Variants in JAKMIP3 observed in about 807,000 individuals in gnomAD.
JAKMIP3 encodes Janus kinase and microtubule interacting protein 3, also known as janus kinase and microtubule-interacting protein 3.
A neutral mutation model predicts 118.5 loss-of-function variants in JAKMIP3; 58 were observed. The observed-to-expected ratio is 0.49, with a 90% CI of 0.40 to 0.61. The LOEUF (loss-of-function observed/expected upper bound fraction) is 0.61. Among genes scored for constraint, JAKMIP3 ranks in the 20% least tolerant of loss-of-function variants. The pLI is 0.00. For missense variants in JAKMIP3, 950 were observed against 1,109.0 expected (o/e 0.86, Z 2.04); for synonymous variants, 486 against 451.2 (o/e 1.08, Z -0.98).
chr10:132,129,319 G>A (rs1041839046), intron 3 of JAKMIP3, among the ~76,000 whole-genome samples: 3 of 152,166 alleles, frequency 2.0e-5, no homozygotes, highest in Non-Finnish European at 2.9e-5. Flanking sequence ...TGTCTCGACA[G>A]CCATGTGCAG....
intron 2 of JAKMIP3, among the ~76,000 whole-genome samples, chr10:132,105,981 A>G (rs1479672823): frequency 7.0e-6 from 1 of 142,978 alleles, no homozygotes; most frequent in Admixed American, 6.7e-5. Context: ...CCTCCTTGTC[A>G]TATCAAAAGA....
intron 2 of JAKMIP3, among the ~76,000 whole-genome samples, chr10:132,110,281 C>G (rs568364459): frequency 2.8e-4 from 42 of 152,370 alleles, no homozygotes; most frequent in Admixed American, 1.1e-3. Context: ...GTGGCCTCCA[C>G]CAGCTCAGGC....
In JAKMIP3 at chr10:132,117,047, G is replaced by T. The variant is rs1438340257; in HGVS notation, c.136-30G>T. 1 of 1,579,942 alleles carries T rather than the reference G, an allele frequency of 6.3e-7. No homozygotes were observed. The stretch of plus-strand genomic sequence containing the variant: ...GAGTGTGTGCATGGCTGGAGCTCCT[G>T]CCACACTCAGTCTCGCTGTTGTCTT... On this transcript the variant is annotated intron_variant, in intron 2 of 23. Coordinates refer to ENST00000684848, the MANE Select transcript of JAKMIP3 (RefSeq NM_001323087.2). This position sits in a 1 kb window ranked among gnomAD's most constrained non-coding sequence, Gnocchi z 8.6.
At chr10:132,084,462 A>C (rs1471881219) in intron 1 of JAKMIP3, among the ~76,000 whole-genome samples, 1 of 152,224 alleles carries the variant, frequency 6.6e-6, no homozygotes, top group African/African-American at 2.4e-5. Flanking sequence ...TTCTCTAGGT[A>C]TACAATCATA....
intron 3 of JAKMIP3, among the ~76,000 whole-genome samples, chr10:132,127,306 T>C (rs2049772099): frequency 6.6e-6 from 1 of 150,872 alleles, no homozygotes; most frequent in African/African-American, 2.4e-5. Flanking sequence ...TCACTGCAAC[T>C]CTGCCTCCTG....
chr10:132,178,417 CA>C (rs1344128266), intron 23 of JAKMIP3, among the ~76,000 whole-genome samples: 2 of 151,826 alleles, frequency 1.3e-5, no homozygotes, highest in Admixed American at 6.6e-5. Context: ...ATATTTTCCC[CA>C]AATCAGAGCT....
chr10:132,047,361 T>C (rs1295102544), intron 1 of JAKMIP3, among the ~76,000 whole-genome samples: 1 of 152,222 alleles, frequency 6.6e-6, no homozygotes, highest in African/African-American at 2.4e-5. Flanking sequence ...ACCGTGGCAA[T>C]AGCAGTTTCC....
In JAKMIP3 at chr10:132,180,790, T is replaced by TGTGTGTGTGCGC. The variant is rs1283527687; in HGVS notation, c.*1104-1566_*1104-1565insTGTGTGTGCGCG. 2.1e-5 allele frequency among the ~76,000 whole-genome samples: 3 copies of TGTGTGTGTGCGC among 139,652 alleles called. 1 individual carries two copies. The highest frequency in any genetic ancestry group is 8.4e-5 in the African/African-American group (3 of 35,766). 91.6% of individuals were successfully genotyped at this position (139,652 alleles called of 152,430 possible). Reference sequence around the variant, plus strand: ...GTGTGCGTGTGTGTGTGTGCGCGTATGCATGTGCTGTGAGTGGTGTGTTGT... The same window carrying TGTGTGTGTGCGC: ...GTGTGCGTGTGTGTGTGTGCGCGTATGTGTGTGTGCGCGCATGTGCTGTGAGTGGTGTGTTGT... On this transcript the variant is annotated intron_variant, in intron 23 of 23. Transcript: ENST00000684848.
chr10:132,083,215 A>T (rs1485401648), intron 1 of JAKMIP3, among the ~76,000 whole-genome samples: 2 of 151,876 alleles, frequency 1.3e-5, no homozygotes, highest in Non-Finnish European at 2.9e-5. Flanking sequence ...TGATTTTTTG[A>T]TTATGGCTAT....
chr10:132,175,016 TCAGATACACCG>T, intron 23 of JAKMIP3, among the ~76,000 whole-genome samples: 1 of 152,224 alleles, frequency 6.6e-6, no homozygotes, highest in Non-Finnish European at 1.5e-5. Flanking sequence ...CGTGCCATTA[TCAGATACACCG>T]CTGAAAAGTA....
intron 22 of JAKMIP3, among the ~76,000 whole-genome samples, chr10:132,167,517 G>A (rs561696019): frequency 1.8e-4 from 28 of 152,294 alleles, no homozygotes; most frequent in African/African-American, 4.6e-4. Flanking sequence ...CTGCCAGGCC[G>A]GGCAGCTTAG....
At chr10:132,110,413 C>T (rs889311807) in intron 2 of JAKMIP3, among the ~76,000 whole-genome samples, 1 of 152,272 alleles carries the variant, frequency 6.6e-6, no homozygotes, top group African/African-American at 2.4e-5. Flanking sequence ...CAGTTTTTGC[C>T]TGTGGTTATG....
intron 1 of JAKMIP3, among the ~76,000 whole-genome samples, chr10:132,075,775 T>C (rs971891698): frequency 6.6e-6 from 1 of 152,162 alleles, no homozygotes; most frequent in Non-Finnish European, 1.5e-5. Context: ...TAATCTCTTA[T>C]CCTTCCAAAT....
intron 1 of JAKMIP3, among the ~76,000 whole-genome samples, chr10:132,075,067 T>C (rs1358161097): frequency 6.6e-6 from 1 of 152,244 alleles, no homozygotes; most frequent in Non-Finnish European, 1.5e-5. Context: ...CCATGCTGTT[T>C]TGGTTACTAT....
intron 1 of JAKMIP3, among the ~76,000 whole-genome samples, chr10:132,099,268 G>A (rs4880332): frequency 0.36 from 54,148 of 151,970 alleles, 9,810 homozygotes; most frequent in East Asian, 0.43. Context: ...TGATTCACCG[G>A]CGGTGGAAAG....
At chr10:132,172,827 T>A (rs1352800018) in intron 23 of JAKMIP3, among the ~76,000 whole-genome samples, 1 of 151,570 alleles carries the variant, frequency 6.6e-6, no homozygotes, top group Non-Finnish European at 1.5e-5. Context: ...TGGACCTGGG[T>A]GTGCTTGTTG....
chr10:132,116,185 T>C (rs190849513), intron 2 of JAKMIP3, among the ~76,000 whole-genome samples: 1 of 152,326 alleles, frequency 6.6e-6, no homozygotes, highest in Admixed American at 6.5e-5. Flanking sequence ...ATACCAACAA[T>C]TCTCATGAAT....
chr10:132,144,257 G>A (rs954820), intron 11 of JAKMIP3: 103,674 of 152,192 alleles, frequency 0.68, 36,893 homozygotes, highest in African/African-American at 0.89. Flanking sequence ...GCGGACGGGG[G>A]AAGCGCCAGG....
intron 1 of JAKMIP3, among the ~76,000 whole-genome samples, chr10:132,038,959 A>C (rs2037617827): frequency 6.6e-6 from 1 of 152,102 alleles, no homozygotes; most frequent in Admixed American, 6.5e-5. Flanking sequence ...AGAGCTGCAG[A>C]GGCAGGTGGA....
Sources: allele counts gnomAD v4.1 joint callset (sites outside exome capture counted in the v4.1 genomes callset), GRCh38; gene constraint gnomAD v4.1.1; non-coding constraint Gnocchi (gnomAD v3.1); transcripts MANE v1.5; gene names NCBI Gene and HGNC (gene_info 2026-07-23, HGNC 2026-07-21).